Variants in ANKHD1 observed in about 807,000 individuals in gnomAD.
ANKHD1 encodes ankyrin repeat and KH domain containing 1.
ANKHD1 carries 31 observed loss-of-function variants against 230.5 expected under a neutral mutation model. The ratio of observed to expected loss-of-function variants is 0.13; its 90% CI spans 0.10 to 0.18. The LOEUF is 0.18. Among genes scored for constraint, ANKHD1 ranks in the 10% least tolerant of loss-of-function variants. ANKHD1 has a pLI of 1.00. For synonymous variants in ANKHD1, 1,074 were observed against 1,117.6 expected, an observed-to-expected ratio of 0.96 and a Z score of 0.78; for missense variants, 2,256 against 3,071.3, an observed-to-expected ratio of 0.73 and a Z score of 6.27.
intron 5 of ANKHD1, among the ~76,000 whole-genome samples, chr5:140,443,546 C>T (rs778129734): frequency 7.9e-5 from 12 of 151,920 alleles, no homozygotes; most frequent in Admixed American, 3.9e-4. Flanking sequence ...AAAAAATTAG[C>T]TAGGCATGGT....
In ANKHD1 at chr5:140,436,612, G is replaced by A. The variant is rs571074212; in HGVS notation, c.460+355G>A. Among the ~76,000 whole-genome samples the A allele has an allele frequency of 7.2e-5, 11 of 152,134 alleles. No individual in the cohort carries two copies. In the South Asian group the frequency reaches 1.5e-3, roughly 20 times the overall value. Reference sequence around the variant, plus strand: ...TAGAAAAAAATTAGCCAGGTATGGCGGTGTGCGCCTGTAGTCCCAGCTACT... The same window carrying A: ...TAGAAAAAAATTAGCCAGGTATGGCAGTGTGCGCCTGTAGTCCCAGCTACT... On this transcript the variant is annotated intron_variant, in intron 2 of 33. Transcript: ENST00000360839.
chr5:140,421,603 GT>G (rs1216286610), intron 1 of ANKHD1, among the ~76,000 whole-genome samples: 3 of 152,064 alleles, frequency 2.0e-5, no homozygotes, highest in African/African-American at 7.2e-5. Flanking sequence ...GCCCGGCCGA[GT>G]TTTTGCATCT....
intron 14 of ANKHD1, among the ~76,000 whole-genome samples, chr5:140,491,335 T>G (rs1039136320): frequency 6.6e-6 from 1 of 150,910 alleles, no homozygotes; most frequent in Non-Finnish European, 1.5e-5. Context: ...TGGCTAATTT[T>G]TTGTATTTTG....
Position 140,505,194 on chromosome 5 carries a change from A to G in ANKHD1, c.3223A>G (p.Ile1075Val), listed in dbSNP as rs914633525. The G allele has an allele frequency of 5.6e-6, 9 of 1,614,080 alleles. No homozygotes were observed. The highest frequency in any genetic ancestry group is 1.3e-5 in the African/African-American group (1 of 74,964). Residue 1075 changes from isoleucine (I) to valine (V), a missense_variant, in exon 17 of 34, where the codon ATT (isoleucine) becomes GTT (valine). Ile to Val is a conservative substitution (Grantham distance 29, BLOSUM62 3). Around this residue, in one of 13 missense-constraint regions of ANKHD1, gnomAD observed 63 missense variants for 125.5 expected, o/e 0.50. Transcript: ENST00000360839. ...TCATGAAGAACTTGTATCTGTGCTC[A>G]TTGCACGGGATGCCAAAATTGAACA... ...GGHEELVSVLIARDAKIEHRD... is the reference protein window; with the variant it reads ...GGHEELVSVLVARDAKIEHRD...
At chr5:140,495,478 C>G (rs1168166356) in intron 14 of ANKHD1, among the ~76,000 whole-genome samples, 1 of 152,026 alleles carries the variant, frequency 6.6e-6, no homozygotes, top group Admixed American at 6.6e-5. Context: ...ATCTCCTGAC[C>G]TTGTGATCCG....
intron 28 of ANKHD1, 22 bp from the exon 29 acceptor site, chr5:140,528,162 T>G (rs1323268875): frequency 6.4e-7 from 1 of 1,556,342 alleles, no homozygotes; most frequent in Non-Finnish European, 8.6e-7. Context: ...TGGTCTTGTT[T>G]CTGTTTTTTT....
chr5:140,490,585 T>C (rs1751729216), intron 14 of ANKHD1, among the ~76,000 whole-genome samples: 1 of 152,204 alleles, frequency 6.6e-6, no homozygotes, highest in Non-Finnish European at 1.5e-5. Flanking sequence ...TTAACTTTAT[T>C]ACCTGCAGTT....
intron 5 of ANKHD1, among the ~76,000 whole-genome samples, chr5:140,442,417 G>A (rs941382974): frequency 6.6e-6 from 1 of 151,966 alleles, no homozygotes; most frequent in Non-Finnish European, 1.5e-5. Flanking sequence ...TTTTCCACAC[G>A]TGGGGGAGGG....
intron 6 of ANKHD1, among the ~76,000 whole-genome samples, chr5:140,446,743 T>C (rs1269847183): frequency 6.6e-6 from 1 of 152,202 alleles, no homozygotes; most frequent in Non-Finnish European, 1.5e-5. Flanking sequence ...AATATTTTAG[T>C]GTATACATTT....
intron 14 of ANKHD1, among the ~76,000 whole-genome samples, chr5:140,489,067 G>A (rs1751644353): frequency 6.6e-6 from 1 of 152,014 alleles, no homozygotes; most frequent in Admixed American, 6.6e-5. Context: ...GCACAAGCCT[G>A]TAGTCCCTGC....
intron 25 of ANKHD1, among the ~76,000 whole-genome samples, chr5:140,525,281 G>C (rs1753551593): frequency 6.6e-6 from 1 of 151,330 alleles, no homozygotes; most frequent in South Asian, 2.1e-4. Context: ...GTGTTTTTTT[G>C]AGATGAGGTC....
intron 14 of ANKHD1, among the ~76,000 whole-genome samples, chr5:140,489,652 A>T (rs1290274738): frequency 6.6e-6 from 1 of 152,160 alleles, no homozygotes; most frequent in Non-Finnish European, 1.5e-5. Flanking sequence ...GTGAGTAACC[A>T]TATTTTTGCT....
In ANKHD1 at chr5:140,458,840, G is replaced by A; in HGVS notation, c.1458G>A (p.Met486Ile). 6.2e-7 allele frequency: 1 copy of A among 1,611,562 alleles called. No homozygotes were observed. Among genetic ancestry groups the A allele is most frequent in the East Asian group, 2.2e-5 (1 of 44,734 alleles). ...CTGCCCGGGAAGGACATGAAGAAAT[G>A]GTGGCACTACTCTTAGCACAAGGTA... is the stretch of plus-strand genomic sequence containing the variant. The part of the protein sequence containing the change: ...MEAAREGHEE[M>I]VALLLAQGAN... The change falls in exon 8 of 34, where the codon ATG (methionine) becomes ATA (isoleucine). Residue 486 changes from methionine (M) to isoleucine (I), a missense_variant. Met to Ile is a conservative substitution (Grantham distance 10). Transcript: ENST00000360839.
intron 14 of ANKHD1, among the ~76,000 whole-genome samples, chr5:140,489,048 G>A (rs1442273035): frequency 6.6e-6 from 1 of 152,088 alleles, no homozygotes; most frequent in Non-Finnish European, 1.5e-5. Flanking sequence ...AAGTTAGCCA[G>A]GAGTGGTGGC....
At chr5:140,441,570 C>T (rs958779955) in intron 5 of ANKHD1, among the ~76,000 whole-genome samples, 10 of 151,596 alleles carry the variant, frequency 6.6e-5, no homozygotes, top group South Asian at 2.1e-4. Context: ...TTACAAAAAG[C>T]GTTAAATATA....
chr5:140,499,168 T>C (rs991833183), intron 15 of ANKHD1, among the ~76,000 whole-genome samples: 3 of 152,032 alleles, frequency 2.0e-5, no homozygotes, highest in Non-Finnish European at 2.9e-5. Flanking sequence ...TTTTGAACTA[T>C]ATGGCAGTAA....
chr5:140,459,329 A>G lies in ANKHD1; in HGVS notation c.1646A>G (p.Glu549Gly), dbSNP rs1410671842. The G allele has an allele frequency of 6.4e-7, 1 of 1,573,460 alleles. No homozygotes were observed. Among genetic ancestry groups the G allele is most frequent in the African/African-American group, 1.3e-5 (1 of 74,342 alleles). Residue 549 changes from glutamate to glycine, a missense_variant, in exon 9 of 34, where the codon GAA becomes GGA. Physicochemically the swap from Glu to Gly is moderately conservative, Grantham distance 98. Around this residue, in one of 13 missense-constraint regions of ANKHD1, gnomAD observed 179 missense variants for 261.8 expected, o/e 0.68. Transcript: ENST00000360839. The stretch of plus-strand genomic sequence containing the variant: ...GAGGCATCTCAGGAGGGACACCTGG[A>G]ATTGGTTAAATATTTGCTGGCTTCT... ...LMEASQEGHL[E>G]LVKYLLASGA...
intron 1 of ANKHD1, among the ~76,000 whole-genome samples, chr5:140,431,120 C>T (rs1432948521): frequency 6.6e-6 from 1 of 152,020 alleles, no homozygotes; most frequent in African/African-American, 2.4e-5. Context: ...TTATTGATTC[C>T]ACATTGAGAC....
intron 7 of ANKHD1, among the ~76,000 whole-genome samples, chr5:140,456,284 C>T (rs1039527407): frequency 6.6e-6 from 1 of 152,280 alleles, no homozygotes; most frequent in Admixed American, 6.5e-5. Context: ...GGCCATACTG[C>T]CCAAAGTAAT....
Sources: allele counts gnomAD v4.1 joint callset (sites outside exome capture counted in the v4.1 genomes callset), GRCh38; gene constraint gnomAD v4.1.1; regional missense constraint gnomAD v4.1.1; transcripts MANE v1.5; gene names NCBI Gene and HGNC (gene_info 2026-07-23, HGNC 2026-07-21).